TAS2R13: variants seen among roughly 807,000 people sequenced by gnomAD.
The protein encoded by TAS2R13 is taste 2 receptor member 13.
For synonymous variants in TAS2R13, 129 were observed against 125.5 expected (o/e 1.03, Z -0.19); for missense variants, 384 against 347.5 (o/e 1.11, Z -0.84).
rs1396460322 is a variant in TAS2R13 at position 10,908,589 on chromosome 12, A to G, written c.710T>C (p.Phe237Ser). The change falls in exon 1 of 1, where the codon TTC (phenylalanine) becomes TCC (serine). Residue 237 changes from phenylalanine (F) to serine (S), a missense_variant. Coordinates refer to ENST00000390677, the MANE Select transcript of TAS2R13 (RefSeq NM_023920.2). ...HTNALKIVIS[F>S]LLFYASFFLC... is the part of the protein sequence containing the mutation. ...AAAGAAACTAGCATAGAATAAAAGG[A>G]ATGAGATCACAATTTTCAAGGCATT... The G allele has an allele frequency of 1.9e-6, 3 of 1,614,006 alleles. No individual in the cohort carries two copies. Among genetic ancestry groups the G allele is most frequent in the Non-Finnish European group, 1.7e-6 (2 of 1,179,940 alleles).
chr12:10,909,005 C>A lies in TAS2R13; in HGVS notation c.294G>T (p.Trp98Cys). The A allele has an allele frequency of 6.2e-7, 1 of 1,613,664 alleles. No individual in the cohort carries two copies. Among genetic ancestry groups the A allele is most frequent in the Non-Finnish European group, 8.5e-7 (1 of 1,179,956 alleles). ...SWIVSNHFNL[W>C]LATIFSIFYL... ...AAAAGATGCTGAAGATTGTAGCAAG[C>A]CAGAGATTGAAGTGATTAGAAACTA... The change falls in exon 1 of 1, where the codon TGG (tryptophan) becomes TGT (cysteine). Residue 98 changes from tryptophan (W) to cysteine (C), a missense_variant. Physicochemically the swap from Trp to Cys is radical, Grantham distance 215. Coordinates refer to ENST00000390677, the MANE Select transcript of TAS2R13 (RefSeq NM_023920.2).
At chr12:10,908,634 G>GATACAAA in the TAS2R13 span, 1 of 1,613,874 alleles carries the variant, frequency 6.2e-7, no homozygotes, top group African/African-American at 1.3e-5. Context: ...CTTGGTCCTG[G>GATACAAA]GGTCTCTGTG....
chr12:10,909,254 T>G lies in TAS2R13; in HGVS notation c.45A>C (p.Ala15=). The change falls in exon 1 of 1, where the codon GCA becomes GCC. Residue 15 remains alanine, a synonymous_variant. Coordinates refer to ENST00000390677, the MANE Select transcript of TAS2R13 (RefSeq NM_023920.2). Reference sequence around the variant, plus strand: ...TGCTCAAATTCCCAATTATGAATTCTGCAATTATTACAAGAGTGAAGATAC... The same window carrying G: ...TGCTCAAATTCCCAATTATGAATTCGGCAATTATTACAAGAGTGAAGATAC... ...LPSIFTLVII[A]EFIIGNLSNG... is the part of the protein sequence containing the mutation. The G allele has an allele frequency of 6.2e-7, 1 of 1,613,740 alleles. No homozygotes were observed. The highest frequency in any genetic ancestry group is 1.1e-5 in the South Asian group (1 of 91,036).
rs554877730 is a variant in TAS2R13, at chr12:10,908,960, A to C, written c.339T>G (p.Ser113Arg). The C allele has an allele frequency of 1.2e-6, 2 of 1,613,634 alleles. No homozygotes were observed. The highest frequency in any genetic ancestry group is 8.5e-7 in the Non-Finnish European group (1 of 1,179,968). ...AATAGAGAAAAGCAGGGCTAGAGAAACTCGCTATTTTGAGCAAATAAAAGA... is the reference window on the plus strand; with the variant it reads ...AATAGAGAAAAGCAGGGCTAGAGAACCTCGCTATTTTGAGCAAATAAAAGA... ...FSIFYLLKIASFSSPAFLYLK... is the reference protein window; with the variant it reads ...FSIFYLLKIARFSSPAFLYLK... Residue 113 changes from serine (S) to arginine (R), a missense_variant, in exon 1 of 1, where the codon AGT (serine) becomes AGG (arginine). Ser to Arg is a moderately radical substitution (Grantham distance 110). Coordinates refer to ENST00000390677, the MANE Select transcript of TAS2R13 (RefSeq NM_023920.2).
chr12:10,908,205 A>G lies in TAS2R13; in HGVS notation c.*182T>C. 1.9e-6 allele frequency: 1 copy of G among 516,214 alleles called. No homozygotes were observed. Among genetic ancestry groups the G allele is most frequent in the Non-Finnish European group, 3.3e-6 (1 of 301,928 alleles). 32.0% of individuals were successfully genotyped at this position (516,214 alleles called of 1,614,324 possible). A position where few individuals can be genotyped will look rare whatever the true frequency, so the allele number is the denominator to read the frequency against. ...AATAATGTAGAAATACATGTCATAA[A>G]TACATAATATTCTTAGGTAAGATGC... On this transcript the variant is annotated 3_prime_UTR_variant, in exon 1 of 1. Coordinates refer to ENST00000390677, the MANE Select transcript of TAS2R13 (RefSeq NM_023920.2).
Position 10,908,541 on chromosome 12 carries a change from A to G in TAS2R13, c.758T>C (p.Ile253Thr). 1.2e-6 allele frequency: 2 copies of G among 1,613,996 alleles called. No individual in the cohort carries two copies. Among genetic ancestry groups the G allele is most frequent in the Admixed American group, 1.7e-5 (1 of 59,940 alleles). ...CACTGTGTTCTGATACAGCTCAGAAATCCATGATATGAGAACACATAGAAA... is the reference window on the plus strand; with the variant it reads ...CACTGTGTTCTGATACAGCTCAGAAGTCCATGATATGAGAACACATAGAAA... ...SFFLCVLISW[I>T]SELYQNTVIY... Residue 253 changes from isoleucine to threonine, a missense_variant, in exon 1 of 1, where the codon ATT (isoleucine) becomes ACT (threonine). Ile to Thr is a moderately conservative substitution (Grantham distance 89, BLOSUM62 -1). Transcript: ENST00000390677.
chr12:10,908,870 TA>T, the TAS2R13 span: 1 of 1,613,012 alleles, frequency 6.2e-7, no homozygotes, highest in Non-Finnish European at 8.5e-7. Context: ...GTATCAGATT[TA>T]AAAATAAGAA....
In TAS2R13 at chr12:10,908,811, G is replaced by A. The variant is rs774795106; in HGVS notation, c.488C>T (p.Thr163Ile). The A allele has an allele frequency of 6.2e-6, 10 of 1,613,746 alleles. No homozygotes were observed. In the African/African-American group the frequency reaches 1.3e-4, roughly 22 times the overall value. The part of the protein sequence containing the change: ...KDWLDRYERN[T>I]TWNFSMSDFE... ...GTCACTCATACTGAAATTCCAAGTT[G>A]TGTTTCTTTCATATCGGTCCAGCCA... The change falls in exon 1 of 1, where the codon ACA becomes ATA. Residue 163 changes from threonine (T) to isoleucine (I), a missense_variant. By Grantham distance (89) the Thr-to-Ile change is moderately conservative. Transcript: ENST00000390677.
chr12:10,908,335 C>G lies in TAS2R13; in HGVS notation c.*52G>C. ...ACTCCTTGTAGACTCCTGTTTCTGTCTGCAATATTCAATAATCTGTGGTCT... is the reference window on the plus strand; with the variant it reads ...ACTCCTTGTAGACTCCTGTTTCTGTGTGCAATATTCAATAATCTGTGGTCT... On this transcript the variant is annotated 3_prime_UTR_variant, in exon 1 of 1. Transcript: ENST00000390677. 4 of 1,511,846 alleles carry G rather than the reference C, an allele frequency of 2.6e-6. No individual in the cohort carries two copies. Among genetic ancestry groups the G allele is most frequent in the Non-Finnish European group, 3.6e-6 (4 of 1,120,006 alleles). The allele number at this position is 1,511,846 out of a possible 1,614,324, so 93.7% of individuals were successfully genotyped here. A position where few individuals can be genotyped will look rare whatever the true frequency, so the allele number is the denominator to read the frequency against.
Position 10,909,018 on chromosome 12 carries a change from T to G in TAS2R13, c.281A>C (p.His94Pro), listed in dbSNP as rs34885344. Residue 94 changes from histidine to proline, a missense_variant, in exon 1 of 1, where the codon CAC (histidine) becomes CCC (proline). Physicochemically the swap from His to Pro is moderately conservative, Grantham distance 77. Coordinates refer to ENST00000390677, the MANE Select transcript of TAS2R13 (RefSeq NM_023920.2). ...IMIFSWIVSN[H>P]FNLWLATIFS... ...GATTGTAGCAAGCCAGAGATTGAAG[T>G]GATTAGAAACTATCCAGCTAAAAAT... The G allele has an allele frequency of 6.2e-7, 1 of 1,613,760 alleles. No individual in the cohort carries two copies. The highest frequency in any genetic ancestry group is 1.3e-5 in the African/African-American group (1 of 75,036).
In TAS2R13 at chr12:10,909,357, T is replaced by C. The variant is rs141818191; in HGVS notation, c.-59A>G. 5.1e-4 allele frequency: 629 copies of C among 1,237,286 alleles called. 3 individuals carry two copies. The African/African-American group carries it at 7.6e-3, about 15-fold the overall frequency. 76.6% of individuals were successfully genotyped at this position (1,237,286 alleles called of 1,614,324 possible). A position where few individuals can be genotyped will look rare whatever the true frequency, so the allele number is the denominator to read the frequency against. On this transcript the variant is annotated 5_prime_UTR_variant, in exon 1 of 1. Coordinates refer to ENST00000390677, the MANE Select transcript of TAS2R13 (RefSeq NM_023920.2). ...CTGCTGGTTATTCACTGATCTAAAA[T>C]GCTATTCACATCCTTGAGTGTCCAG...
chr12:10,908,427 G>C lies in TAS2R13; in HGVS notation c.872C>G (p.Ala291Gly). The change falls in exon 1 of 1, where the codon GCC (alanine) becomes GGC (glycine). Residue 291 changes from alanine to glycine, a missense_variant. Transcript: ENST00000390677. ...LILGNAKLRQAFLLVAAKVWA... is the reference protein window; with the variant it reads ...LILGNAKLRQGFLLVAAKVWA... ...TACCTTAGCTGCCACCAAAAGAAAGGCCTGTCTTAACTTAGCGTTTCCTAG... is the reference window on the plus strand; with the variant it reads ...TACCTTAGCTGCCACCAAAAGAAAGCCCTGTCTTAACTTAGCGTTTCCTAG... 6.2e-7 allele frequency: 1 copy of C among 1,613,400 alleles called. No homozygotes were observed. Among genetic ancestry groups the C allele is most frequent in the African/African-American group, 1.3e-5 (1 of 74,966 alleles).
rs1327721528 is a variant in TAS2R13, at chr12:10,908,067, T to C, written c.*320A>G. ...TGAATGATTTAGAATTGAAGAGCCATTGCCAAACAAAAGATTGTAGATTTA... is the reference window on the plus strand; with the variant it reads ...TGAATGATTTAGAATTGAAGAGCCACTGCCAAACAAAAGATTGTAGATTTA... On this transcript the variant is annotated 3_prime_UTR_variant, in exon 1 of 1. Coordinates refer to ENST00000390677, the MANE Select transcript of TAS2R13 (RefSeq NM_023920.2). 3 of 254,154 alleles carry C rather than the reference T, an allele frequency of 1.2e-5. No homozygotes were observed. Among genetic ancestry groups the C allele is most frequent in the Middle Eastern group, 2.4e-3 (2 of 826 alleles). The allele number at this position is 254,154 out of a possible 1,614,324, so 15.7% of individuals were successfully genotyped here. A position where few individuals can be genotyped will look rare whatever the true frequency, so the allele number is the denominator to read the frequency against.
chr12:10,908,758 AT>A, the TAS2R13 span: 1 of 1,613,870 alleles, frequency 6.2e-7, no homozygotes, highest in African/African-American at 1.3e-5. Flanking sequence ...GTCATAGTGA[AT>A]TTGACCGACA....
rs769906007 is a variant in TAS2R13 at position 10,908,766 on chromosome 12, G to C, written c.533C>G (p.Ser178Trp). 6.2e-7 allele frequency: 1 copy of C among 1,613,898 alleles called. No homozygotes were observed. The highest frequency in any genetic ancestry group is 8.5e-7 in the Non-Finnish European group (1 of 1,179,898). The change falls in exon 1 of 1, where the codon TCG (serine) becomes TGG (tryptophan). Residue 178 changes from serine (S) to tryptophan (W), a missense_variant. Transcript: ENST00000390677. ...SMSDFETFSV[S>W]VKFTMTMFSL... ...GAACATAGTCATAGTGAATTTGACC[G>C]ACACTGAAAATGTTTCAAAGTCACT...
At position 10,908,288 on chromosome 12, in the gene TAS2R13, G is replaced by A; in HGVS notation, c.*99C>T. On this transcript the variant is annotated 3_prime_UTR_variant, in exon 1 of 1. Transcript: ENST00000390677. The stretch of plus-strand genomic sequence containing the variant: ...GACCTTCACAATAAAAGAAACCAGG[G>A]GAAGCATAAAATATCTTTTAAACTC... The A allele has an allele frequency of 8.8e-7, 1 of 1,136,262 alleles. No individual in the cohort carries two copies. Among genetic ancestry groups the A allele is most frequent in the African/African-American group, 1.6e-5 (1 of 64,184 alleles). The allele number at this position is 1,136,262 out of a possible 1,614,324, so 70.4% of individuals were successfully genotyped here.
Position 10,908,651 on chromosome 12 carries a change from G to A in TAS2R13, c.648C>T (p.Tyr216=), listed in dbSNP as rs143136566. Residue 216 remains tyrosine (Y), a synonymous_variant, in exon 1 of 1, where the codon TAC becomes TAT. Coordinates refer to ENST00000390677, the MANE Select transcript of TAS2R13 (RefSeq NM_023920.2). ...QKHLQKMQLN[Y]KGHRDPRTKV... is the part of the protein sequence containing the mutation. ...TGGTCCTGGGGTCTCTGTGTCCTTT[G>A]TAATTGAGTTGCATTTTCTGGAGAT... 4.0e-4 allele frequency: 651 copies of A among 1,613,846 alleles called. 1 individual carries two copies. Among genetic ancestry groups the A allele is most frequent in the Non-Finnish European group, 5.3e-4 (626 of 1,179,962 alleles).
At position 10,908,095 on chromosome 12, in the gene TAS2R13, A is replaced by G. The variant is rs1949832252; in HGVS notation, c.*292T>C. 2 of 317,372 alleles carry G rather than the reference A, an allele frequency of 6.3e-6. No homozygotes were observed. The highest frequency in any genetic ancestry group is 1.1e-5 in the Non-Finnish European group (2 of 176,590). 19.7% of individuals were successfully genotyped at this position (317,372 alleles called of 1,614,324 possible). A position where few individuals can be genotyped will look rare whatever the true frequency, so the allele number is the denominator to read the frequency against. On this transcript the variant is annotated 3_prime_UTR_variant, in exon 1 of 1. Transcript: ENST00000390677. ...CCAAACAAAAGATTGTAGATTTACA[A>G]TTAACATCTAAGTATGCTGTAGTAT... is the stretch of plus-strand genomic sequence containing the variant.
rs769906007 is a variant in TAS2R13, at chr12:10,908,766, G to A, written c.533C>T (p.Ser178Leu). 5.6e-6 allele frequency: 9 copies of A among 1,613,782 alleles called. No individual in the cohort carries two copies. The African/African-American group carries it at 9.3e-5, about 17-fold the overall frequency. ...GAACATAGTCATAGTGAATTTGACCGACACTGAAAATGTTTCAAAGTCACT... is the reference window on the plus strand; with the variant it reads ...GAACATAGTCATAGTGAATTTGACCAACACTGAAAATGTTTCAAAGTCACT... ...SMSDFETFSV[S>L]VKFTMTMFSL... Residue 178 changes from serine (S) to leucine (L), a missense_variant, in exon 1 of 1, where the codon TCG becomes TTG. Ser to Leu is a moderately radical substitution (Grantham distance 145). Transcript: ENST00000390677.
Sources: allele counts gnomAD v4.1 joint callset, GRCh38; gene constraint gnomAD v4.1.1; transcripts MANE v1.5; gene names NCBI Gene and HGNC (gene_info 2026-07-23, HGNC 2026-07-21).